Variants in TTC29 observed in about 807,000 individuals in gnomAD.
TTC29 encodes the protein tetratricopeptide repeat protein 29.
A neutral mutation model predicts 58.1 loss-of-function variants in TTC29; 49 were observed. That is an observed-to-expected ratio of 0.84 (90% CI 0.67 to 1.07). The LOEUF (loss-of-function observed/expected upper bound fraction) is 1.07. Among genes scored for constraint, TTC29 ranks in the 50% least tolerant of loss-of-function variants. The pLI is 0.00. For missense variants in TTC29, 582 were observed against 555.6 expected (o/e 1.05, Z -0.48); for synonymous variants, 209 against 196.8 (o/e 1.06, Z -0.52).
intron 6 of TTC29, among the ~76,000 whole-genome samples, chr4:146,890,016 T>C (rs749512238): frequency 3.3e-5 from 5 of 152,198 alleles, no homozygotes; most frequent in African/African-American, 4.8e-5. Flanking sequence ...ACCATTGGTA[T>C]ATTTCTTTTT....
At chr4:146,886,657 T>G (rs1732002886) in intron 6 of TTC29, among the ~76,000 whole-genome samples, 1 of 152,148 alleles carries the variant, frequency 6.6e-6, no homozygotes, top group Non-Finnish European at 1.5e-5. Context: ...TTATAATTTT[T>G]CCTGGGTGAG....
chr4:146,922,667 A>C (rs988163083), intron 4 of TTC29, among the ~76,000 whole-genome samples: 7 of 151,780 alleles, frequency 4.6e-5, no homozygotes, highest in Non-Finnish European at 7.4e-5. Flanking sequence ...TTTAATTAAC[A>C]TGCTGAAGAT....
intron 11 of TTC29, among the ~76,000 whole-genome samples, chr4:146,730,115 G>T (rs1335286264): frequency 6.6e-6 from 1 of 152,018 alleles, no homozygotes; most frequent in Non-Finnish European, 1.5e-5. Context: ...TTTTTCAGCT[G>T]AGCATTTATA....
At chr4:146,837,913 A>G (rs1432264243) in intron 8 of TTC29, among the ~76,000 whole-genome samples, 1 of 152,152 alleles carries the variant, frequency 6.6e-6, no homozygotes, top group Non-Finnish European at 1.5e-5. Context: ...AAGACAGAGG[A>G]GAACATTAAT....
chr4:146,858,403 C>A (rs187758625), intron 8 of TTC29, among the ~76,000 whole-genome samples: 70 of 152,290 alleles, frequency 4.6e-4, no homozygotes, highest in African/African-American at 1.6e-3. Context: ...ATTAGAATGC[C>A]ATTGCTATGT....
chr4:146,830,581 T>C (rs1728092332), intron 9 of TTC29, among the ~76,000 whole-genome samples: 1 of 152,218 alleles, frequency 6.6e-6, no homozygotes, highest in Non-Finnish European at 1.5e-5. Flanking sequence ...ACTTGTGCAA[T>C]TGCACAGGTT....
intron 11 of TTC29, among the ~76,000 whole-genome samples, chr4:146,787,897 C>CTT (rs11427951): frequency 0.053 from 7,835 of 148,988 alleles, 226 homozygotes; most frequent in Middle Eastern, 0.12. Flanking sequence ...AATCTGCCCC[C>CTT]TTTTTTTTTT....
At chr4:146,926,145 G>A (rs1734915863) in intron 4 of TTC29, among the ~76,000 whole-genome samples, 1 of 152,088 alleles carries the variant, frequency 6.6e-6, no homozygotes. Flanking sequence ...TTTATGACAA[G>A]CTCTCTAAAT....
intron 8 of TTC29, among the ~76,000 whole-genome samples, chr4:146,846,351 T>C (rs1729168422): frequency 6.6e-6 from 1 of 152,198 alleles, no homozygotes; most frequent in South Asian, 2.1e-4. Flanking sequence ...GTCATTATGC[T>C]AAGTGTGGAC....
chr4:146,811,048 G>T (rs1157833505), intron 10 of TTC29, among the ~76,000 whole-genome samples: 1 of 152,136 alleles, frequency 6.6e-6, no homozygotes, highest in Non-Finnish European at 1.5e-5. Context: ...ATATGATCGT[G>T]ATGTCACTAG....
At chr4:146,780,336 T>C (rs1748498961) in intron 11 of TTC29, among the ~76,000 whole-genome samples, 1 of 151,456 alleles carries the variant, frequency 6.6e-6, no homozygotes, top group African/African-American at 2.4e-5. Context: ...TGTGTGTGTG[T>C]GTGTGTGTGT....
intron 11 of TTC29, among the ~76,000 whole-genome samples, chr4:146,751,248 T>A (rs1745967282): frequency 6.6e-6 from 1 of 152,190 alleles, no homozygotes; most frequent in East Asian, 1.9e-4. Flanking sequence ...GAAAAATAGA[T>A]AGCAGTACAA....
intron 4 of TTC29, 37 bp from the exon 5 acceptor site, chr4:146,909,286 T>A: frequency 6.8e-7 from 1 of 1,480,738 alleles, no homozygotes; most frequent in Non-Finnish European, 9.3e-7. Context: ...AGGTTTATGT[T>A]AATCCTTTCA....
chr4:146,753,253 A>G (rs1461651239), intron 11 of TTC29, among the ~76,000 whole-genome samples: 2 of 152,242 alleles, frequency 1.3e-5, no homozygotes, highest in Non-Finnish European at 2.9e-5. Context: ...ATATGAACAG[A>G]TACTTCTCAA....
intron 11 of TTC29, among the ~76,000 whole-genome samples, chr4:146,796,546 A>G (rs1396329565): frequency 6.6e-6 from 1 of 152,130 alleles, no homozygotes; most frequent in African/African-American, 2.4e-5. Flanking sequence ...CATCAACACC[A>G]ATAACATGAC....
At chr4:146,710,604 A>G (rs1057188552) in intron 11 of TTC29, among the ~76,000 whole-genome samples, 7 of 152,078 alleles carry the variant, frequency 4.6e-5, no homozygotes, top group Admixed American at 3.3e-4. Context: ...GTTTTGCACT[A>G]TGGGTCTGAC....
At chr4:146,770,431 C>CT (rs5862769) in intron 11 of TTC29, among the ~76,000 whole-genome samples, 8,553 of 146,804 alleles carry the variant, frequency 0.058, 798 homozygotes, top group African/African-American at 0.2. Flanking sequence ...AACGTTTTCA[C>CT]TTTTTTTTTT....
intron 11 of TTC29, among the ~76,000 whole-genome samples, chr4:146,734,423 C>A (rs983462149): frequency 6.6e-6 from 1 of 152,032 alleles, no homozygotes; most frequent in Admixed American, 6.6e-5. Flanking sequence ...ATAATAAAAC[C>A]GGTAAACATT....
chr4:146,755,941 A>G (rs1027990672), intron 11 of TTC29, among the ~76,000 whole-genome samples: 1 of 152,184 alleles, frequency 6.6e-6, no homozygotes, highest in Non-Finnish European at 1.5e-5. Flanking sequence ...TTCAACTTTT[A>G]GGTTTAAACA....
Sources: allele counts gnomAD v4.1 joint callset (sites outside exome capture counted in the v4.1 genomes callset), GRCh38; gene constraint gnomAD v4.1.1; transcripts MANE v1.5; gene names NCBI Gene and HGNC (gene_info 2026-07-23, HGNC 2026-07-21).